KAZN: variants seen among roughly 807,000 people sequenced by gnomAD.
The protein encoded by KAZN is kazrin.
KAZN carries 40 observed loss-of-function variants against 87.4 expected under a neutral mutation model. The observed-to-expected ratio is 0.46, with a 90% CI of 0.36 to 0.60. KAZN has a LOEUF of 0.60. Among genes scored for constraint, KAZN ranks in the 20% least tolerant of loss-of-function variants. The pLI is 0.00. For missense variants in KAZN, 898 were observed against 1,073.9 expected (o/e 0.84, Z 2.29); for synonymous variants, 466 against 458.3 (o/e 1.02, Z -0.22).
At chr1:14,106,554 G>C (rs376365725) in intron 1 of KAZN, among the ~76,000 whole-genome samples, 7 of 152,080 alleles carry the variant, frequency 4.6e-5, no homozygotes, top group African/African-American at 1.7e-4. Context: ...CAGCTCCCAA[G>C]TGGCCTCTTC....
chr1:14,461,913 C>T (rs1330999429), intron 2 of KAZN, among the ~76,000 whole-genome samples: 1 of 151,852 alleles, frequency 6.6e-6, no homozygotes, highest in Non-Finnish European at 1.5e-5. Flanking sequence ...CAAAAGTCTC[C>T]CCTTGGGAAA....
chr1:15,000,750 A>G (rs1668380164), intron 2 of KAZN, among the ~76,000 whole-genome samples: 1 of 151,940 alleles, frequency 6.6e-6, no homozygotes, highest in South Asian at 2.1e-4. Flanking sequence ...GCAGGGAAAG[A>G]GGGGGTGTGC....
At position 15,054,302 on chromosome 1, in the gene KAZN, A is replaced by G. The variant is rs567648843; in HGVS notation, c.727-1789A>G. 2.0e-5 allele frequency among the ~76,000 whole-genome samples: 3 copies of G among 152,262 alleles called. No individual in the cohort carries two copies. The South Asian group carries it at 6.2e-4, about 32-fold the overall frequency. Reference sequence around the variant, plus strand: ...CCATGTTCACCCAAAACCTCAGTGCAGGGGACCCCTGGGCCTCTCCCTGTC... The same window carrying G: ...CCATGTTCACCCAAAACCTCAGTGCGGGGGACCCCTGGGCCTCTCCCTGTC... On this transcript the variant is annotated intron_variant, in intron 4 of 14. Transcript: ENST00000376030.
intron 1 of KAZN, among the ~76,000 whole-genome samples, chr1:14,924,819 G>T (rs1658988094): frequency 6.6e-6 from 1 of 152,156 alleles, no homozygotes; most frequent in African/African-American, 2.4e-5. Context: ...GCTTGCCGGA[G>T]CCAGGCGATC....
At chr1:14,458,750 T>G (rs370768512) in intron 2 of KAZN, among the ~76,000 whole-genome samples, 95 of 152,306 alleles carry the variant, frequency 6.2e-4, no homozygotes, top group African/African-American at 2.1e-3. Context: ...TCATTTAAAT[T>G]TGTTATTCAT....
At chr1:14,043,901 C>T (rs938388167) in intron 1 of KAZN, among the ~76,000 whole-genome samples, 1 of 152,184 alleles carries the variant, frequency 6.6e-6, no homozygotes, top group Non-Finnish European at 1.5e-5. Flanking sequence ...ACAGAGCACT[C>T]AAGCCCTAGG....
chr1:14,601,970 G>A (rs867059643), intron 1 of KAZN, among the ~76,000 whole-genome samples: 51 of 152,302 alleles, frequency 3.3e-4, no homozygotes, highest in Admixed American at 7.2e-4. Context: ...CCTCTGCCAA[G>A]AGACTGTTAG....
At chr1:14,683,859 G>A (rs751702379) in intron 1 of KAZN, among the ~76,000 whole-genome samples, 15 of 152,202 alleles carry the variant, frequency 9.9e-5, no homozygotes, top group African/African-American at 1.7e-4. Context: ...TTGGATCCTC[G>A]GCATCTAGCC....
chr1:14,522,196 T>G (rs1553183585), intron 2 of KAZN, among the ~76,000 whole-genome samples: 1 of 152,192 alleles, frequency 6.6e-6, no homozygotes, highest in Non-Finnish European at 1.5e-5. Flanking sequence ...TCTGCTTCTC[T>G]CTCCTGGCAT....
intron 2 of KAZN, among the ~76,000 whole-genome samples, chr1:14,308,924 C>T (rs1655106750): frequency 6.6e-6 from 1 of 152,166 alleles, no homozygotes; most frequent in Admixed American, 6.5e-5. Context: ...ATTTGGAAGC[C>T]AGTTCATCAA....
chr1:14,929,672 C>A, intron 1 of KAZN: 2 of 708,852 alleles, frequency 2.8e-6, no homozygotes, highest in Non-Finnish European at 3.5e-6. Context: ...CTGTGAGTCA[C>A]TAAGGGCTGT....
chr1:15,103,026 C>G (rs555489984), intron 11 of KAZN, among the ~76,000 whole-genome samples: 1 of 152,322 alleles, frequency 6.6e-6, no homozygotes, highest in South Asian at 2.1e-4. Context: ...TCTGGGAGGC[C>G]AGGGTGGGTG....
chr1:14,460,229 G>T (rs1199932428), intron 2 of KAZN, among the ~76,000 whole-genome samples: 1 of 152,212 alleles, frequency 6.6e-6, no homozygotes, highest in African/African-American at 2.4e-5. Context: ...GGGACACATA[G>T]TTCCCCTCTG....
chr1:14,181,195 A>G (rs10803473), intron 2 of KAZN, among the ~76,000 whole-genome samples: 62,792 of 152,098 alleles, frequency 0.41, 13,665 homozygotes, highest in East Asian at 0.62. Flanking sequence ...ACAAACACCA[A>G]GTGTTTTAAG....
At chr1:14,367,624 C>T (rs938743708) in intron 2 of KAZN, among the ~76,000 whole-genome samples, 2 of 152,196 alleles carry the variant, frequency 1.3e-5, no homozygotes, top group South Asian at 4.1e-4. Context: ...CATCGGACTG[C>T]AGAGCCTGGG....
chr1:14,221,872 A>G (rs999213903), intron 2 of KAZN: 4 of 152,198 alleles, frequency 2.6e-5, no homozygotes, highest in South Asian at 2.1e-4. Context: ...ATGTATGACA[A>G]GGAAGCAATC....
At chr1:14,837,736 A>T (rs1174468686) in intron 1 of KAZN, among the ~76,000 whole-genome samples, 4 of 151,106 alleles carry the variant, frequency 2.6e-5, no homozygotes, top group Non-Finnish European at 5.9e-5. Flanking sequence ...TATTATTATT[A>T]TTATTTTTAG....
chr1:14,610,784 G>A (rs140007979), intron 1 of KAZN, among the ~76,000 whole-genome samples: 18 of 152,066 alleles, frequency 1.2e-4, no homozygotes, highest in East Asian at 7.7e-4. Flanking sequence ...TTTGGGTACC[G>A]GAGCCAGGAT....
intron 2 of KAZN, among the ~76,000 whole-genome samples, chr1:14,973,886 T>C (rs908796147): frequency 1.3e-5 from 2 of 152,092 alleles, no homozygotes; most frequent in African/African-American, 4.8e-5. Context: ...CCTGTAAATC[T>C]TAGTGGCATA....
Sources: allele counts gnomAD v4.1 joint callset (sites outside exome capture counted in the v4.1 genomes callset), GRCh38; gene constraint gnomAD v4.1.1; transcripts MANE v1.5; gene names NCBI Gene and HGNC (gene_info 2026-07-23, HGNC 2026-07-21).